ECPAS: variants seen among roughly 807,000 people sequenced by gnomAD.
ECPAS encodes Ecm29 proteasome adaptor and scaffold.
A neutral mutation model predicts 255.1 loss-of-function variants in ECPAS; 70 were observed. The observed-to-expected ratio is 0.27, with a 90% CI of 0.23 to 0.33. ECPAS has a LOEUF of 0.33. ECPAS is among the 10% of genes least tolerant of loss of function. The pLI, the probability that ECPAS is intolerant of heterozygous loss-of-function variation, is 1.00. For missense variants in ECPAS, 1,817 were observed against 2,206.4 expected, an observed-to-expected ratio of 0.82 and a Z score of 3.54; for synonymous variants, 784 against 775.0, an observed-to-expected ratio of 1.01 and a Z score of -0.19.
intron 9 of ECPAS, among the ~76,000 whole-genome samples, chr9:111,430,052 T>C (rs896249438): frequency 6.6e-6 from 1 of 152,242 alleles, no homozygotes; most frequent in Non-Finnish European, 1.5e-5. Flanking sequence ...TGGCCCACCA[T>C]TTATTCTGAT....
chr9:111,414,574 C>T lies in ECPAS; in HGVS notation c.1842G>A (p.Gln614=). ...VPTSQSLADM[Q]DHAPAIGRYI... ...AGCGCCCAATGGCTGGGGCATGATC[C>T]TGCATATCAGCCAAACTCTGAGAGG... is the stretch of plus-strand genomic sequence containing the variant. Residue 614 remains glutamine (Q), a synonymous_variant, in exon 19 of 50, where the codon CAG becomes CAA. Transcript: ENST00000684092. The T allele has an allele frequency of 6.2e-7, 1 of 1,614,024 alleles. No individual in the cohort carries two copies. The highest frequency in any genetic ancestry group is 8.5e-7 in the Non-Finnish European group (1 of 1,179,886).
chr9:111,369,638 T>C (rs2098124954), intron 45 of ECPAS, among the ~76,000 whole-genome samples: 1 of 152,326 alleles, frequency 6.6e-6, no homozygotes, highest in East Asian at 1.9e-4. Flanking sequence ...AATAGCCTTA[T>C]TACTGAAAGA....
At chr9:111,392,246 C>A (rs76758767) in intron 28 of ECPAS, among the ~76,000 whole-genome samples, 8,479 of 152,122 alleles carry the variant, frequency 0.056, 572 homozygotes, top group African/African-American at 0.15. Flanking sequence ...ACAACAACAA[C>A]AAAAAACAGC....
At chr9:111,447,617 A>G (rs1015379068) in intron 3 of ECPAS, among the ~76,000 whole-genome samples, 3 of 152,220 alleles carry the variant, frequency 2.0e-5, no homozygotes, top group Non-Finnish European at 4.4e-5. Flanking sequence ...CAAAGAGTTT[A>G]GCACAATGCT....
Position 111,392,992 on chromosome 9 carries a change from G to A in ECPAS, c.2978-110C>T, listed in dbSNP as rs1459543560. 5 of 636,004 alleles carry A rather than the reference G, an allele frequency of 7.9e-6. No homozygotes were observed. In the East Asian group the frequency reaches 1.1e-4, roughly 14 times the overall value. 39.4% of individuals were successfully genotyped at this position (636,004 alleles called of 1,614,324 possible). On this transcript the variant is annotated intron_variant, in intron 27 of 49. Coordinates refer to ENST00000684092, the MANE Select transcript of ECPAS (RefSeq NM_001364929.1). ...GACACTGACCCAAAATGATATCAAA[G>A]TAAAGATATAAAAACAGAATCAATA...
chr9:111,435,938 T>C (rs1157758782), intron 7 of ECPAS, among the ~76,000 whole-genome samples: 3 of 150,694 alleles, frequency 2.0e-5, no homozygotes, highest in African/African-American at 4.9e-5. Flanking sequence ...TCCGCCCACT[T>C]TGGCCTCCCA....
intron 16 of ECPAS, among the ~76,000 whole-genome samples, chr9:111,418,572 C>A (rs2098208144): frequency 6.6e-6 from 1 of 152,032 alleles, no homozygotes; most frequent in African/African-American, 2.4e-5. Context: ...GTCTCATTTT[C>A]CAAACAACAC....
In ECPAS at chr9:111,392,856, C is replaced by T. The variant is rs2098162245; in HGVS notation, c.3004G>A (p.Gly1002Ser). Residue 1002 changes from glycine to serine, a missense_variant, in exon 28 of 50, where the codon GGC becomes AGC. By Grantham distance (56) the Gly-to-Ser change is moderately conservative. Transcript: ENST00000684092. ...DELSQDVASKGLGLVYELGNE... is the reference protein window; with the variant it reads ...DELSQDVASKSLGLVYELGNE... The stretch of plus-strand genomic sequence containing the variant: ...CCTAGTTCATAAACCAACCCAAGGC[C>T]CTTTGATGCAACATCTTGGCTAAGT... 6.2e-7 allele frequency: 1 copy of T among 1,612,216 alleles called. No individual in the cohort carries two copies. Among genetic ancestry groups the T allele is most frequent in the Admixed American group, 1.7e-5 (1 of 59,788 alleles).
chr9:111,386,510 T>G, intron 31 of ECPAS, 54 bp from the exon 32 acceptor site: 3 of 1,035,840 alleles, frequency 2.9e-6, no homozygotes, highest in Non-Finnish European at 4.4e-6. Flanking sequence ...AATAATCAAA[T>G]TACTCAACTC....
intron 2 of ECPAS, among the ~76,000 whole-genome samples, chr9:111,470,217 C>T (rs1034713918): frequency 6.6e-6 from 1 of 152,196 alleles, no homozygotes; most frequent in Non-Finnish European, 1.5e-5. Context: ...CCCCCAAGGG[C>T]CCAGGCAGAT....
In ECPAS at chr9:111,362,063, C is replaced by T. The variant is rs1459734183; in HGVS notation, c.5487G>A (p.Ala1829=). Reference sequence around the variant, plus strand: ...GATTTTCAAGTGTTTTCTTCAGTAACGCTGCTTTCTCCTGCAGTTCAGGTC... The same window carrying T: ...GATTTTCAAGTGTTTTCTTCAGTAATGCTGCTTTCTCCTGCAGTTCAGGTC... ...DSRPELQEKA[A]LLKKTLENLE The change falls in exon 50 of 50, where the codon GCG becomes GCA. Residue 1829 remains alanine (A), a synonymous_variant. Coordinates refer to ENST00000684092, the MANE Select transcript of ECPAS (RefSeq NM_001364929.1). 5 of 1,611,968 alleles carry T rather than the reference C, an allele frequency of 3.1e-6. No individual in the cohort carries two copies. Among genetic ancestry groups the T allele is most frequent in the Middle Eastern group, 1.6e-4 (1 of 6,074 alleles).
At chr9:111,404,170 T>C (rs1417397761) in intron 24 of ECPAS, among the ~76,000 whole-genome samples, 1 of 149,168 alleles carries the variant, frequency 6.7e-6, no homozygotes, top group Non-Finnish European at 1.5e-5. Context: ...GTACAAAGAC[T>C]TCAAATAAAC....
intron 4 of ECPAS, among the ~76,000 whole-genome samples, chr9:111,443,953 C>CA (rs780175024): frequency 2.6e-5 from 4 of 152,158 alleles, no homozygotes; most frequent in Non-Finnish European, 4.4e-5. Context: ...ATCAAAAACA[C>CA]AAAAGATTTT....
intron 18 of ECPAS, among the ~76,000 whole-genome samples, chr9:111,415,510 G>T (rs954005574): frequency 6.6e-6 from 1 of 151,976 alleles, no homozygotes; most frequent in South Asian, 2.1e-4. Context: ...GACCAGCCTG[G>T]GAAACATGGT....
chr9:111,429,487 A>G (rs748758369), intron 9 of ECPAS, among the ~76,000 whole-genome samples: 11 of 152,182 alleles, frequency 7.2e-5, no homozygotes, highest in Non-Finnish European at 1.3e-4. Flanking sequence ...GAGAACCACT[A>G]ATCTAATCCA....
At chr9:111,409,078 A>C (rs1031917860) in intron 23 of ECPAS, among the ~76,000 whole-genome samples, 1 of 152,208 alleles carries the variant, frequency 6.6e-6, no homozygotes, top group African/African-American at 2.4e-5. Flanking sequence ...TCACATAGAG[A>C]TGACAACTGT....
chr9:111,387,619 G>C (rs1169019398), intron 31 of ECPAS, among the ~76,000 whole-genome samples: 1 of 151,344 alleles, frequency 6.6e-6, no homozygotes, highest in Non-Finnish European at 1.5e-5. Context: ...CTCACCATCA[G>C]TGCAGTTACT....
At chr9:111,422,769 G>T (rs1465806795) in intron 13 of ECPAS, among the ~76,000 whole-genome samples, 1 of 151,888 alleles carries the variant, frequency 6.6e-6, no homozygotes, top group Non-Finnish European at 1.5e-5. Flanking sequence ...CTGGAATGAG[G>T]AAATCACATT....
intron 6 of ECPAS, among the ~76,000 whole-genome samples, chr9:111,439,821 C>A (rs554983657): frequency 1.7e-4 from 26 of 151,408 alleles, no homozygotes; most frequent in Admixed American, 1.4e-3. Context: ...AGAAGTGGAG[C>A]CGCTGGGAAA....
Sources: gnomAD v4.1 joint callset for allele counts (sites outside exome capture counted in the v4.1 genomes callset) on GRCh38, gnomAD v4.1.1 for gene constraint, MANE v1.5 for transcripts, NCBI Gene and HGNC (gene_info 2026-07-23, HGNC 2026-07-21) for gene names.